Variants in KMO observed in about 807,000 individuals in gnomAD.
The protein encoded by KMO is kynurenine 3-hydroxylase.
A neutral mutation model predicts 57.8 loss-of-function variants in KMO; 24 were observed. That is an observed-to-expected ratio of 0.42 (90% confidence interval 0.30 to 0.58). The LOEUF is 0.58. Ranked by LOEUF, KMO falls within the 20% of genes least tolerant of loss-of-function variation. KMO has a pLI of 0.22. For synonymous variants in KMO, 210 were observed against 193.6 expected, an observed-to-expected ratio of 1.08 and a Z score of -0.70; for missense variants, 483 against 588.2, an observed-to-expected ratio of 0.82 and a Z score of 1.85.
chr1:241,580,023 A>G (rs1332008594), intron 10 of KMO, among the ~76,000 whole-genome samples: 1 of 152,158 alleles, frequency 6.6e-6, no homozygotes, highest in Non-Finnish European at 1.5e-5. Flanking sequence ...AGTGCTTGGT[A>G]GGGTTAACGC....
intron 10 of KMO, among the ~76,000 whole-genome samples, chr1:241,576,210 C>T (rs1662510843): frequency 6.6e-6 from 1 of 151,854 alleles, no homozygotes; most frequent in South Asian, 2.1e-4. Flanking sequence ...TGTTTTTATC[C>T]ATTCTGACAA....
At chr1:241,588,339 T>C (rs908493317) in intron 11 of KMO, among the ~76,000 whole-genome samples, 7 of 141,730 alleles carry the variant, frequency 4.9e-5, no homozygotes, top group Non-Finnish European at 7.6e-5. Flanking sequence ...CTTTTTTTTT[T>C]TTTTTTTTTT....
At chr1:241,585,789 AG>A (rs1345719056) in intron 10 of KMO, among the ~76,000 whole-genome samples, 5 of 151,704 alleles carry the variant, frequency 3.3e-5, no homozygotes, top group Non-Finnish European at 5.9e-5. Flanking sequence ...AAAACCAAAA[AG>A]AAAAAAAATC....
rs1379396456 is a variant in KMO, at chr1:241,575,700, T to C, written c.957+7053T>C. Among the ~76,000 whole-genome samples, 5 of 152,122 alleles carry C rather than the reference T, an allele frequency of 3.3e-5. No individual in the cohort carries two copies. In the South Asian group the frequency reaches 1.0e-3, roughly 31 times the overall value. On this transcript the variant is annotated intron_variant, in intron 10 of 14. Coordinates refer to ENST00000366559, the MANE Select transcript of KMO (RefSeq NM_003679.5). ...GTTTTATGACCTACCATATGGTTTATCTTGAAGAATGTTCCATGTGCTGAT... is the reference window on the plus strand; with the variant it reads ...GTTTTATGACCTACCATATGGTTTACCTTGAAGAATGTTCCATGTGCTGAT...
Position 241,554,774 on chromosome 1 carries a change from C to T in KMO, c.313-838C>T, listed in dbSNP as rs1004109714. Reference sequence around the variant, plus strand: ...TCACCTGAGGTTAGAAGTTCGAGACCAGGCTGGCCAACATGGCAAAACCCC... The same window carrying T: ...TCACCTGAGGTTAGAAGTTCGAGACTAGGCTGGCCAACATGGCAAAACCCC... On this transcript the variant is annotated intron_variant, in intron 4 of 14. Transcript: ENST00000366559. Among the ~76,000 whole-genome samples, 9 of 146,712 alleles carry T rather than the reference C, an allele frequency of 6.1e-5. 1 individual carries two copies. Among genetic ancestry groups the T allele is most frequent in the African/African-American group, 2.3e-4 (9 of 39,834 alleles).
At chr1:241,543,506 A>T (rs2050518) in intron 1 of KMO, among the ~76,000 whole-genome samples, 46,418 of 151,830 alleles carry the variant, frequency 0.31, 7,955 homozygotes, top group Non-Finnish European at 0.39. Context: ...CGTTCATTCC[A>T]CTCTGATAGT....
At position 241,590,223 on chromosome 1, in the gene KMO, G is replaced by A. The variant is rs765474044; in HGVS notation, c.1220G>A (p.Arg407Lys). ...LYTMVTFSRIRYHEAVQRWHW... is the reference protein window; with the variant it reads ...LYTMVTFSRIKYHEAVQRWHW... The stretch of plus-strand genomic sequence containing the variant: ...CTGCAGGTCACTTTTTCCAGAATAA[G>A]ATACCATGAGGCTGTGCAGCGTTGG... The change falls in exon 14 of 15, where the codon AGA becomes AAA. Residue 407 changes from arginine (R) to lysine (K), a missense_variant. Arg to Lys is a conservative substitution (Grantham distance 26, BLOSUM62 2). Transcript: ENST00000366559. 1.2e-6 allele frequency: 2 copies of A among 1,613,412 alleles called. No homozygotes were observed. Among genetic ancestry groups the A allele is most frequent in the Middle Eastern group, 1.7e-4 (1 of 6,054 alleles).
chr1:241,550,024 C>T (rs1661339451), intron 3 of KMO: 1 of 354,066 alleles, frequency 2.8e-6, no homozygotes, highest in East Asian at 4.8e-5. Context: ...TGGTGCGTCA[C>T]TGCCTGTAGA....
Position 241,594,976 on chromosome 1 carries a change from A to T in KMO, c.*2823A>T. On this transcript the variant is annotated 3_prime_UTR_variant, in exon 15 of 15. Coordinates refer to ENST00000366559, the MANE Select transcript of KMO (RefSeq NM_003679.5). ...ACTTTCTATGAGGGCAGGTACAACT[A>T]TTAAGAGATTTTGAACATTAAGTTA... is the stretch of plus-strand genomic sequence containing the variant. 1 of 303,962 alleles carries T rather than the reference A, an allele frequency of 3.3e-6. No individual in the cohort carries two copies. Among genetic ancestry groups the T allele is most frequent in the East Asian group, 6.3e-5 (1 of 15,864 alleles). The allele number at this position is 303,962 out of a possible 1,614,324, so 18.8% of individuals were successfully genotyped here.
At chr1:241,552,518 C>G (rs1475003343) in intron 4 of KMO, among the ~76,000 whole-genome samples, 1 of 152,106 alleles carries the variant, frequency 6.6e-6, no homozygotes, top group South Asian at 2.1e-4. Context: ...TTCACATCCC[C>G]GGGAGCCCAC....
intron 10 of KMO, among the ~76,000 whole-genome samples, chr1:241,573,889 C>T (rs1435436743): frequency 6.6e-6 from 1 of 152,080 alleles, no homozygotes; most frequent in Non-Finnish European, 1.5e-5. Flanking sequence ...TTGTATCTTC[C>T]AATCCATGAA....
At chr1:241,544,839 G>A in intron 1 of KMO, among the ~76,000 whole-genome samples, 1 of 152,164 alleles carries the variant, frequency 6.6e-6, no homozygotes, top group Non-Finnish European at 1.5e-5. Flanking sequence ...GATGATTTGT[G>A]ACTAAATTTA....
intron 2 of KMO, among the ~76,000 whole-genome samples, chr1:241,549,245 GA>G (rs1558414832): frequency 2.5e-4 from 5 of 20,170 alleles, no homozygotes; most frequent in African/African-American, 5.4e-4. Flanking sequence ...AAGAAAGAAA[GA>G]AAGAAAGAAA....
rs1340490753 is a variant in KMO, at chr1:241,592,759, T to TATCTATCTATCTATC, written c.*607_*621dup. 2.3e-5 allele frequency: 3 copies of TATCTATCTATCTATC among 130,332 alleles called. No homozygotes were observed. The highest frequency in any genetic ancestry group is 3.3e-5 in the Non-Finnish European group (2 of 61,374). The allele number at this position is 130,332 out of a possible 1,614,324, so 8.1% of individuals were successfully genotyped here. A position where few individuals can be genotyped will look rare whatever the true frequency, so the allele number is the denominator to read the frequency against. On this transcript the variant is annotated 3_prime_UTR_variant, in exon 15 of 15. Transcript: ENST00000366559. ...ATCATCTATCTATCTATCTATCATCTATCTATCTATCTATCTATCTATCTA... is the reference window on the plus strand; with the variant it reads ...ATCATCTATCTATCTATCTATCATCTATCTATCTATCTATCATCTATCTATCTATCTATCTATCTA...
intron 11 of KMO, 92 bp from the exon 12 acceptor site, chr1:241,588,656 A>T (rs1052502291): frequency 2.5e-6 from 2 of 805,618 alleles, no homozygotes. Flanking sequence ...TAGCGAGAGC[A>T]TTGGTAGTGA....
intron 9 of KMO, among the ~76,000 whole-genome samples, chr1:241,567,281 G>A (rs1405401508): frequency 5.9e-5 from 9 of 152,178 alleles, no homozygotes; most frequent in Non-Finnish European, 1.0e-4. Context: ...AGTTCTAAAG[G>A]CTGAGAAGTG....
intron 10 of KMO, among the ~76,000 whole-genome samples, chr1:241,579,712 C>T (rs2147977341): frequency 6.6e-6 from 1 of 152,232 alleles, no homozygotes; most frequent in East Asian, 1.9e-4. Context: ...CCTCCCAGTC[C>T]ACCCACAAAT....
At chr1:241,568,151 C>T (rs1288358266) in intron 9 of KMO, among the ~76,000 whole-genome samples, 2 of 152,090 alleles carry the variant, frequency 1.3e-5, no homozygotes, top group Admixed American at 1.3e-4. Context: ...GTAGCATTTG[C>T]TCAATTTTTT....
chr1:241,586,525 C>A (rs1662994164), intron 10 of KMO, 154 bp from the exon 11 acceptor site: 2 of 654,788 alleles, frequency 3.1e-6, no homozygotes, highest in Middle Eastern at 4.1e-4. Flanking sequence ...AACCATAATT[C>A]AATACCATGT....
Sources: allele counts gnomAD v4.1 joint callset (sites outside exome capture counted in the v4.1 genomes callset), GRCh38; gene constraint gnomAD v4.1.1; transcripts MANE v1.5; gene names NCBI Gene and HGNC (gene_info 2026-07-23, HGNC 2026-07-21).